The following LILRB1 variants were observed in gnomAD, a reference collection of about 807,000 sequenced individuals.
LILRB1 encodes leukocyte immunoglobulin like receptor B1.
In LILRB1, 59 loss-of-function variants were observed where a neutral mutation model predicts 74.6. The observed-to-expected ratio is 0.79, with a 90% CI of 0.64 to 0.98. The LOEUF is 0.98. Ranked by LOEUF, LILRB1 falls within the 50% of genes least tolerant of loss-of-function variation. LILRB1 has a pLI of 0.00. For missense variants in LILRB1, 804 were observed against 822.6 expected (o/e 0.98, Z 0.28); for synonymous variants, 328 against 333.9 (o/e 0.98, Z 0.19).
intron 1 of LILRB1, among the ~76,000 whole-genome samples, chr19:54,621,534 TG>T (rs1481268463): frequency 1.1e-5 from 1 of 95,190 alleles, no homozygotes; most frequent in African/African-American, 3.0e-5. Context: ...CTGTGTTTTT[TG>T]TTTTTTTTTT....
chr19:54,632,310 A>G (rs1274931100), intron 5 of LILRB1, 73 bp downstream of exon 5: 1 of 1,567,474 alleles, frequency 6.4e-7, no homozygotes, highest in African/African-American at 1.4e-5. Flanking sequence ...GTCTCAGGGC[A>G]GTTCCAGGTG....
chr19:54,632,282 C>A, intron 5 of LILRB1, 45 bp downstream of exon 5: 2 of 1,574,720 alleles, frequency 1.3e-6, no homozygotes. Flanking sequence ...AGTCTCCAGG[C>A]AGGTGGGGAG....
intron 13 of LILRB1, chr19:54,635,866 A>T (rs993702940): frequency 5.9e-5 from 40 of 673,926 alleles, no homozygotes; most frequent in African/African-American, 1.1e-4. Context: ...CCCAGGCCTC[A>T]GGAGGATGAG....
At chr19:54,634,835 A>T in intron 10 of LILRB1, 72 bp downstream of exon 10, 1 of 1,569,070 alleles carries the variant, frequency 6.4e-7, no homozygotes, top group Admixed American at 1.8e-5. Context: ...GAGAATCCAA[A>T]CCACTGGGCA....
At chr19:54,622,719 G>A (rs759906014) in intron 1 of LILRB1, among the ~76,000 whole-genome samples, 27 of 152,176 alleles carry the variant, frequency 1.8e-4, no homozygotes, top group Non-Finnish European at 3.7e-4. Flanking sequence ...TTGAATAGGA[G>A]TGGTGAGAGT....
intron 1 of LILRB1, among the ~76,000 whole-genome samples, chr19:54,624,590 G>A (rs1056001229): frequency 6.6e-6 from 1 of 152,100 alleles, no homozygotes; most frequent in Non-Finnish European, 1.5e-5. Flanking sequence ...GGCTGGGTGG[G>A]CCCGACCTCA....
chr19:54,616,521 C>T (rs966818689), upstream of LILRB1, among the ~76,000 whole-genome samples: 2 of 152,202 alleles, frequency 1.3e-5, no homozygotes, highest in Non-Finnish European at 2.9e-5. Flanking sequence ...CACTGAAAGC[C>T]TCCAGGATTT....
intron 1 of LILRB1, among the ~76,000 whole-genome samples, chr19:54,621,103 A>G (rs2063444604): frequency 1.3e-5 from 2 of 151,998 alleles, no homozygotes; most frequent in African/African-American, 2.4e-5. Flanking sequence ...CACACTCCCA[A>G]CCTCAGGTGA....
intron 1 of LILRB1, among the ~76,000 whole-genome samples, chr19:54,619,328 A>T (rs1273266457): frequency 6.6e-6 from 1 of 152,096 alleles, no homozygotes; most frequent in Admixed American, 6.5e-5. Flanking sequence ...TCACAATAAG[A>T]CTTTTTTTAA....
chr19:54,636,666 T>C lies in LILRB1; in HGVS notation c.1812+14T>C. The C allele has an allele frequency of 6.2e-7, 1 of 1,608,074 alleles. No homozygotes were observed. Among genetic ancestry groups the C allele is most frequent in the Non-Finnish European group, 8.5e-7 (1 of 1,177,400 alleles). On this transcript the variant is annotated intron_variant, in intron 14 of 14. Coordinates refer to ENST00000324602, the MANE Select transcript of LILRB1 (RefSeq NM_001081637.3). The stretch of plus-strand genomic sequence containing the variant: ...ATGGACACTGAGGTGAGTCCTTTCC[T>C]CTCCAGGCCCCCAGGCCTCCCCCAC...
intron 13 of LILRB1, 78 bp from the exon 14 acceptor site, chr19:54,636,416 C>A: frequency 6.3e-7 from 1 of 1,581,844 alleles, no homozygotes; most frequent in South Asian, 1.2e-5. Context: ...AATCGGATCA[C>A]CCGGGGAACA....
At chr19:54,623,741 G>T (rs2063510759) in intron 1 of LILRB1, among the ~76,000 whole-genome samples, 1 of 152,196 alleles carries the variant, frequency 6.6e-6, no homozygotes, top group Non-Finnish European at 1.5e-5. Context: ...ACAATATTCA[G>T]ATTTTTCACA....
intron 10 of LILRB1, 99 bp downstream of exon 10, chr19:54,634,862 A>G: frequency 6.5e-7 from 1 of 1,538,626 alleles, no homozygotes. Flanking sequence ...GCTTTGAGAA[A>G]CTGTTCCAGC....
At chr19:54,619,348 G>A (rs1383534086) in intron 1 of LILRB1, among the ~76,000 whole-genome samples, 1 of 151,994 alleles carries the variant, frequency 6.6e-6, no homozygotes, top group Non-Finnish European at 1.5e-5. Flanking sequence ...AAAAAAGAAA[G>A]GTAGTGTAAT....
In LILRB1 at chr19:54,635,155, C is replaced by A. The variant is rs765044717; in HGVS notation, c.1538C>A (p.Pro513His). ...CCTGCAGGGGCTGTGGGGCCAGAGC[C>A]CACAGACAGAGGCCTGCAGTGGAGG... ...QHPAGAVGPE[P>H]TDRGLQWRSS... Residue 513 changes from proline to histidine, a missense_variant, in exon 11 of 15, where the codon CCC (proline) becomes CAC (histidine). Transcript: ENST00000324602. 2.5e-6 allele frequency: 4 copies of A among 1,594,966 alleles called. No individual in the cohort carries two copies. The highest frequency in any genetic ancestry group is 3.4e-6 in the Non-Finnish European group (4 of 1,166,028).
At position 54,633,082 on chromosome 19, in the gene LILRB1, T is replaced by C. The variant is rs2064048457; in HGVS notation, c.1025T>C (p.Val342Ala). The C allele has an allele frequency of 6.2e-7, 1 of 1,614,222 alleles. No homozygotes were observed. The highest frequency in any genetic ancestry group is 1.3e-5 in the African/African-American group (1 of 75,074). Residue 342 changes from valine to alanine, a missense_variant, in exon 7 of 15, where the codon GTG (valine) becomes GCG (alanine). By Grantham distance (64) the Val-to-Ala change is moderately conservative (BLOSUM62 0). Transcript: ENST00000324602. ...CCCACGGTGGCCTCAGGAGAGAACG[T>C]GACCCTGCTGTGTCAGTCACAGGGA... ...PGPTVASGEN[V>A]TLLCQSQGWM...
chr19:54,620,447 C>T (rs999111421), intron 1 of LILRB1, among the ~76,000 whole-genome samples: 2 of 152,026 alleles, frequency 1.3e-5, no homozygotes, highest in Admixed American at 1.3e-4. Context: ...CAAGCTCTGC[C>T]TCCCAGGTTC....
chr19:54,629,396 T>C (rs1420644195), upstream of LILRB1, among the ~76,000 whole-genome samples: 1 of 152,194 alleles, frequency 6.6e-6, no homozygotes, highest in African/African-American at 2.4e-5. Context: ...ACACCCAGTG[T>C]CTCCTTGTCC....
At chr19:54,623,492 C>T (rs1465750160) in intron 1 of LILRB1, among the ~76,000 whole-genome samples, 1 of 152,088 alleles carries the variant, frequency 6.6e-6, no homozygotes, top group Admixed American at 6.5e-5. Context: ...ATTTCTGTGG[C>T]GTTGGTTGTA....
Sources: gnomAD v4.1 joint callset for allele counts (sites outside exome capture counted in the v4.1 genomes callset) on GRCh38, gnomAD v4.1.1 for gene constraint, MANE v1.5 for transcripts, NCBI Gene and HGNC (gene_info 2026-07-23, HGNC 2026-07-21) for gene names.